FLYWCH1: variants seen among roughly 807,000 people sequenced by gnomAD.
The protein encoded by FLYWCH1 is FLYWCH-type zinc finger 1, also known as FLYWCH-type zinc finger-containing protein 1.
In FLYWCH1, 75 loss-of-function variants were observed where a neutral mutation model predicts 66.4. The observed-to-expected ratio is 1.13, with a 90% CI of 0.94 to 1.37. The LOEUF is 1.37. FLYWCH1 is among the 40% of genes most tolerant of loss of function. FLYWCH1 has a pLI of 0.00. For synonymous variants in FLYWCH1, 595 were observed against 429.9 expected (o/e 1.38, Z -4.75); for missense variants, 1,334 against 1,001.8 (o/e 1.33, Z -4.48).
chr16:2,937,786 T>C (rs907659594), intron 7 of FLYWCH1, among the ~76,000 whole-genome samples: 3 of 152,132 alleles, frequency 2.0e-5, no homozygotes, highest in Admixed American at 1.3e-4. Flanking sequence ...TGTGACCTTT[T>C]AGTTCAGCTT....
chr16:2,944,322 G>T (rs916515674), intron 9 of FLYWCH1, among the ~76,000 whole-genome samples: 2 of 151,170 alleles, frequency 1.3e-5, no homozygotes, highest in African/African-American at 4.9e-5. Flanking sequence ...ACTGGGAGGT[G>T]GAGGTTGTGG....
chr16:2,923,912 A>T (rs1441665716), intron 2 of FLYWCH1, among the ~76,000 whole-genome samples: 2 of 152,014 alleles, frequency 1.3e-5, no homozygotes, highest in Non-Finnish European at 2.9e-5. Flanking sequence ...GTTGGCGGGC[A>T]CCTGTAATCG....
rs565146908 is a variant in FLYWCH1 at position 2,933,516 on chromosome 16, G to C, written c.1183G>C (p.Glu395Gln). 2 of 1,612,076 alleles carry C rather than the reference G, an allele frequency of 1.2e-6. No homozygotes were observed. The highest frequency in any genetic ancestry group is 1.7e-6 in the Non-Finnish European group (2 of 1,179,274). The change falls in exon 5 of 10, where the codon GAA (glutamate) becomes CAA (glutamine). Residue 395 changes from glutamate to glutamine, a missense_variant. Glu to Gln is a conservative substitution (Grantham distance 29). Coordinates refer to ENST00000253928, the MANE Select transcript of FLYWCH1 (RefSeq NM_001308068.2). The stretch of plus-strand genomic sequence containing the variant: ...TCGGCCCAGAAAGCGAGCAAAGGTC[G>C]AAGACCAGGAGCTGCCAACCCAGCC... ...RPRPRKRAKVEDQELPTQPEA... is the reference protein window; with the variant it reads ...RPRPRKRAKVQDQELPTQPEA...
At chr16:2,930,985 G>A in intron 4 of FLYWCH1, 105 bp downstream of exon 4, 1 of 868,708 alleles carries the variant, frequency 1.2e-6, no homozygotes, top group Non-Finnish European at 1.7e-6. Flanking sequence ...CTTTTAAAAT[G>A]TACTCAAAGC....
At chr16:2,918,264 C>T (rs2070243578) in intron 2 of FLYWCH1, among the ~76,000 whole-genome samples, 1 of 151,548 alleles carries the variant, frequency 6.6e-6, no homozygotes, top group South Asian at 2.1e-4. Flanking sequence ...TCTCCTGCCT[C>T]AGCCTCCCGA....
At chr16:2,933,675 G>GCCCCTGT in intron 5 of FLYWCH1, 41 bp from the exon 6 acceptor site, 2 of 1,592,134 alleles carry the variant, frequency 1.3e-6, no homozygotes, top group African/African-American at 2.7e-5. Flanking sequence ...GGCCTACCCA[G>GCCCCTGT]CCCCTGTCCC....
At chr16:2,943,151 A>T (rs1233644886) in intron 9 of FLYWCH1, among the ~76,000 whole-genome samples, 2 of 152,124 alleles carry the variant, frequency 1.3e-5, no homozygotes, top group Admixed American at 1.3e-4. Context: ...GACCATATTC[A>T]GTCACGCAGG....
At chr16:2,942,764 T>C (rs957023297) in intron 9 of FLYWCH1, among the ~76,000 whole-genome samples, 1 of 134,834 alleles carries the variant, frequency 7.4e-6, no homozygotes, top group Non-Finnish European at 1.6e-5. Flanking sequence ...TCTCACTCTG[T>C]CGCCCAGGCT....
Position 2,930,809 on chromosome 16 carries a change from A to G in FLYWCH1, c.725A>G (p.Glu242Gly). 1 of 1,596,862 alleles carries G rather than the reference A, an allele frequency of 6.3e-7. No homozygotes were observed. The highest frequency in any genetic ancestry group is 8.5e-7 in the Non-Finnish European group (1 of 1,175,206). ...CTGGTGCTGAGCAAGCCGGCCCTGG[A>G]GGAGGAGGAGGCACCCCGAGCCCTG... ...PGLVLSKPAL[E>G]EEEAPRALSL... Residue 242 changes from glutamate to glycine, a missense_variant, in exon 4 of 10, where the codon GAG (glutamate) becomes GGG (glycine). Physicochemically the swap from Glu to Gly is moderately conservative, Grantham distance 98 (BLOSUM62 -2). Coordinates refer to ENST00000253928, the MANE Select transcript of FLYWCH1 (RefSeq NM_001308068.2).
chr16:2,932,476 G>A (rs1056886099), intron 4 of FLYWCH1, among the ~76,000 whole-genome samples: 2 of 152,004 alleles, frequency 1.3e-5, no homozygotes, highest in African/African-American at 2.4e-5. Flanking sequence ...TTGGCAAGTG[G>A]CAGATGGGAG....
At position 2,937,311 on chromosome 16, in the gene FLYWCH1, A is replaced by AC. The variant is rs752331124; in HGVS notation, c.1706dup (p.Asp570GlyfsTer92). The AC allele has an allele frequency of 6.2e-7, 1 of 1,603,256 alleles. No homozygotes were observed. The highest frequency in any genetic ancestry group is 8.5e-7 in the Non-Finnish European group (1 of 1,175,554). ...TGGTCATGCGCAGGCACTGCCACCC[A>AC]CCGGACCTGGGCGGCCTGGAGGCCC... On this transcript the variant is annotated frameshift_variant, in exon 7 of 10. Coordinates refer to ENST00000253928, the MANE Select transcript of FLYWCH1 (RefSeq NM_001308068.2). LOFTEE classifies it high-confidence loss of function.
intron 2 of FLYWCH1, among the ~76,000 whole-genome samples, chr16:2,914,758 G>C (rs2070108826): frequency 6.6e-6 from 1 of 151,908 alleles, no homozygotes; most frequent in African/African-American, 2.4e-5. Context: ...AAATTTAGCT[G>C]GGCGTGGTGG....
rs918005350 is a variant in FLYWCH1 at position 2,916,902 on chromosome 16, T to G, written c.-74+2613T>G. Among the ~76,000 whole-genome samples, 4 of 151,428 alleles carry G rather than the reference T, an allele frequency of 2.6e-5. No homozygotes were observed. In the East Asian group the frequency reaches 7.9e-4, roughly 30 times the overall value. ...GCTCACTCCTGTAATCCCAGCTCTTTGGGAGGCCGAGGGGGGTGGATCATG... is the reference window on the plus strand; with the variant it reads ...GCTCACTCCTGTAATCCCAGCTCTTGGGGAGGCCGAGGGGGGTGGATCATG... On this transcript the variant is annotated intron_variant, in intron 2 of 9. Coordinates refer to ENST00000253928, the MANE Select transcript of FLYWCH1 (RefSeq NM_001308068.2).
intron 5 of FLYWCH1, 58 bp from the exon 6 acceptor site, chr16:2,933,658 G>A (rs1003770370): frequency 8.9e-6 from 14 of 1,567,426 alleles, no homozygotes; most frequent in Non-Finnish European, 1.2e-5. Context: ...GGAAGGGGGT[G>A]CGATCAGGCC....
chr16:2,946,316 C>CTTTTTTTTTTTTTTTTTTTTT (rs58279573), intron 9 of FLYWCH1, among the ~76,000 whole-genome samples: 1 of 75,532 alleles, frequency 1.3e-5, no homozygotes, highest in African/African-American at 5.7e-5. Context: ...GTGGGCTGTA[C>CTTTTTTTTTTTTTTTTTTTTT]TTTTTTTTTT....
chr16:2,949,018 G>A lies in FLYWCH1; in HGVS notation c.*291G>A, dbSNP rs550823208. ...GACATGACAAAGCTGCCTGGACACG[G>A]ACGCCCCTGCTGTACGGCCACAGCA... is the stretch of plus-strand genomic sequence containing the variant. On this transcript the variant is annotated 3_prime_UTR_variant, in exon 10 of 10. Transcript: ENST00000253928. 2 of 455,920 alleles carry A rather than the reference G, an allele frequency of 4.4e-6. No individual in the cohort carries two copies. Among genetic ancestry groups the A allele is most frequent in the East Asian group, 4.3e-5 (1 of 23,354 alleles). The allele number at this position is 455,920 out of a possible 1,614,324, so 28.2% of individuals were successfully genotyped here. A position where few individuals can be genotyped will look rare whatever the true frequency, so the allele number is the denominator to read the frequency against.
intron 2 of FLYWCH1, among the ~76,000 whole-genome samples, chr16:2,916,921 G>A (rs564734040): frequency 1.9e-4 from 28 of 151,318 alleles, no homozygotes; most frequent in Non-Finnish European, 3.7e-4. Context: ...GAGGGGGGTG[G>A]ATCATGAGGT....
chr16:2,933,826 G>A lies in FLYWCH1; in HGVS notation c.1360G>A (p.Asp454Asn). 23 of 1,608,952 alleles carry A rather than the reference G, an allele frequency of 1.4e-5. No homozygotes were observed. Among genetic ancestry groups the A allele is most frequent in the Non-Finnish European group, 2.0e-5 (23 of 1,178,154 alleles). ...AGEKVYWTCR[D>N]QARMGCRSRA... is the part of the protein sequence containing the mutation. The stretch of plus-strand genomic sequence containing the variant: ...GGAGAAGGTGTATTGGACCTGCCGG[G>A]ACCAGGCCCGCATGGGCTGCCGCAG... The change falls in exon 6 of 10, where the codon GAC (aspartate) becomes AAC (asparagine). Residue 454 changes from aspartate (D) to asparagine (N), a missense_variant. Physicochemically the swap from Asp to Asn is conservative, Grantham distance 23. Transcript: ENST00000253928.
chr16:2,913,710 A>G (rs767922228), intron 1 of FLYWCH1, among the ~76,000 whole-genome samples: 12 of 152,050 alleles, frequency 7.9e-5, no homozygotes, highest in South Asian at 2.1e-4. Context: ...GCCACCTTCA[A>G]CCTCTTCAGG....
Sources: allele counts gnomAD v4.1 joint callset (sites outside exome capture counted in the v4.1 genomes callset), GRCh38; gene constraint gnomAD v4.1.1; transcripts MANE v1.5; gene names NCBI Gene and HGNC (gene_info 2026-07-23, HGNC 2026-07-21).